Variants in MTMR7 observed in about 807,000 individuals in gnomAD.
MTMR7 encodes myotubularin related protein 7.
In MTMR7, 76 loss-of-function variants were observed where a neutral mutation model predicts 81.2. The ratio of observed to expected loss-of-function variants is 0.94; its 90% CI spans 0.78 to 1.13. The LOEUF is 1.13. Among genes scored for constraint, MTMR7 ranks in the 50% most tolerant of loss-of-function variants. The probability of loss-of-function intolerance (pLI) is 0.00; values close to 1 mark genes in which losing one functional copy is unlikely to be tolerated. For synonymous variants in MTMR7, 372 were observed against 289.8 expected (o/e 1.28, Z -2.88); for missense variants, 1,044 against 820.0 (o/e 1.27, Z -3.34).
chr8:17,379,027 G>A (rs563048893), intron 1 of MTMR7, among the ~76,000 whole-genome samples: 1 of 152,302 alleles, frequency 6.6e-6, no homozygotes, highest in East Asian at 1.9e-4. Flanking sequence ...GAAAAGCACA[G>A]AAACAAAGAA....
intron 7 of MTMR7, among the ~76,000 whole-genome samples, chr8:17,316,782 G>A (rs886141244): frequency 1.3e-5 from 2 of 152,150 alleles, no homozygotes; most frequent in African/African-American, 4.8e-5. Context: ...ATATATGGGA[G>A]GATGTGCATA....
chr8:17,382,230 C>T (rs1203375690), intron 1 of MTMR7, among the ~76,000 whole-genome samples: 3 of 152,208 alleles, frequency 2.0e-5, no homozygotes, highest in East Asian at 1.9e-4. Context: ...GCACTGATAT[C>T]CAGTGTTCTG....
At chr8:17,310,334 G>C (rs1003712871) in intron 9 of MTMR7, among the ~76,000 whole-genome samples, 1 of 152,112 alleles carries the variant, frequency 6.6e-6, no homozygotes, top group Non-Finnish European at 1.5e-5. Context: ...AAGTAATATG[G>C]ATAGTCTCAT....
intron 1 of MTMR7, among the ~76,000 whole-genome samples, chr8:17,394,191 G>C (rs952983651): frequency 6.6e-6 from 1 of 152,178 alleles, no homozygotes; most frequent in Non-Finnish European, 1.5e-5. Flanking sequence ...TCACTCCTGA[G>C]TATATACCCA....
Position 17,371,206 on chromosome 8 carries a change from C to G in MTMR7, c.148-7G>C, listed in dbSNP as rs751161291. The G allele has an allele frequency of 1.2e-6, 2 of 1,613,546 alleles. No individual in the cohort carries two copies. The highest frequency in any genetic ancestry group is 2.2e-5 in the East Asian group (1 of 44,874). On this transcript the variant is annotated splice_polypyrimidine_tract_variant and splice_region_variant and intron_variant, in intron 2 of 13. Transcript: ENST00000180173. The stretch of plus-strand genomic sequence containing the variant: ...AAATCTGACTGTGAAGAATCTAGAA[C>G]CAAATGTTAATGTGCATAAGCTAAG...
chr8:17,391,912 T>G (rs1239223492), intron 1 of MTMR7, among the ~76,000 whole-genome samples: 1 of 152,208 alleles, frequency 6.6e-6, no homozygotes, highest in Admixed American at 6.5e-5. Context: ...GTTTATGTCC[T>G]GGGAAGTACT....
chr8:17,372,956 C>T (rs1021460108), intron 2 of MTMR7, 162 bp downstream of exon 2: 11 of 737,672 alleles, frequency 1.5e-5, no homozygotes, highest in South Asian at 1.9e-5. Context: ...CAAGTAGATA[C>T]GACTGCACAG....
intron 7 of MTMR7, among the ~76,000 whole-genome samples, chr8:17,319,086 G>T (rs935138761): frequency 6.6e-6 from 1 of 152,184 alleles, no homozygotes; most frequent in African/African-American, 2.4e-5. Context: ...TATGTGAACT[G>T]AACCATACGT....
At chr8:17,396,589 A>G (rs1405530040) in intron 1 of MTMR7, among the ~76,000 whole-genome samples, 1 of 152,146 alleles carries the variant, frequency 6.6e-6, no homozygotes, top group Non-Finnish European at 1.5e-5. Flanking sequence ...GAATTCTGGC[A>G]AGCCTCACTA....
chr8:17,411,425 TC>T (rs1227535849), intron 1 of MTMR7, among the ~76,000 whole-genome samples: 2 of 152,142 alleles, frequency 1.3e-5, no homozygotes, highest in African/African-American at 4.8e-5. Context: ...TACAACTGCC[TC>T]CCCTTAGAGA....
Position 17,305,897 on chromosome 8 carries a change from C to G in MTMR7, c.1212G>C (p.Glu404Asp), listed in dbSNP as rs768423596. ...EISPVIDQFIECVWQLMEQFP... is the reference protein window; with the variant it reads ...EISPVIDQFIDCVWQLMEQFP... ...ATTGTTCCATTAACTGCCAAACACA[C>G]TCAATGAACTGGTCAATAACTGGAG... Residue 404 changes from glutamate (E) to aspartate (D), a missense_variant, in exon 11 of 14, where the codon GAG becomes GAC. Transcript: ENST00000180173. 6.2e-7 allele frequency: 1 copy of G among 1,613,774 alleles called. No individual in the cohort carries two copies. The highest frequency in any genetic ancestry group is 8.5e-7 in the Non-Finnish European group (1 of 1,179,756).
chr8:17,363,655 T>C (rs537418767), intron 3 of MTMR7, among the ~76,000 whole-genome samples: 1 of 152,130 alleles, frequency 6.6e-6, no homozygotes, highest in African/African-American at 2.4e-5. Context: ...TTAAGGAAAA[T>C]TGTACACGAG....
At chr8:17,387,238 G>A (rs1217204708) in intron 1 of MTMR7, among the ~76,000 whole-genome samples, 1 of 152,124 alleles carries the variant, frequency 6.6e-6, no homozygotes, top group Non-Finnish European at 1.5e-5. Flanking sequence ...ACCAGCATCT[G>A]TTTCTTCCTC....
In MTMR7 at chr8:17,297,986, A is replaced by G. The variant is rs1816836589; in HGVS notation, c.*1876T>C. ...TTTTAAAACATCAAATATTTATACT[A>G]TTTGCTTTTCAAATAAAAGCATAGT... On this transcript the variant is annotated 3_prime_UTR_variant, in exon 14 of 14. Coordinates refer to ENST00000180173, the MANE Select transcript of MTMR7 (RefSeq NM_004686.5). The G allele has an allele frequency of 6.6e-6, 1 of 152,058 alleles. No individual in the cohort carries two copies. Among genetic ancestry groups the G allele is most frequent in the Admixed American group, 6.6e-5 (1 of 15,262 alleles). 9.4% of individuals were successfully genotyped at this position (152,058 alleles called of 1,614,324 possible). A position where few individuals can be genotyped will look rare whatever the true frequency, so the allele number is the denominator to read the frequency against.
At chr8:17,332,500 C>T (rs1201491284) in intron 6 of MTMR7, among the ~76,000 whole-genome samples, 1 of 152,190 alleles carries the variant, frequency 6.6e-6, no homozygotes, top group East Asian at 1.9e-4. Flanking sequence ...ACAGATCACA[C>T]AGCAGACAGA....
chr8:17,346,132 G>A (rs1819544120), intron 5 of MTMR7: 1 of 152,096 alleles, frequency 6.6e-6, no homozygotes, highest in African/African-American at 2.4e-5. Flanking sequence ...TCCACCTTTG[G>A]TAATAATACT....
intron 7 of MTMR7, chr8:17,326,250 G>C (rs1407221522): frequency 3.3e-5 from 5 of 152,152 alleles, no homozygotes; most frequent in Non-Finnish European, 7.3e-5. Context: ...ATTTTGAGCT[G>C]AAACAGGTTT....
Position 17,335,578 on chromosome 8 carries a change from A to C in MTMR7, c.733-4296T>G, listed in dbSNP as rs1819211562. 2.6e-5 allele frequency among the ~76,000 whole-genome samples: 4 copies of C among 152,308 alleles called. No individual in the cohort carries two copies. The South Asian group carries it at 8.3e-4, about 32-fold the overall frequency. Reference sequence around the variant, plus strand: ...GGTTGGGAAATGACCGTACAAGCTGATCTTGGCAGGAGGGGGACTTGGTCT... The same window carrying C: ...GGTTGGGAAATGACCGTACAAGCTGCTCTTGGCAGGAGGGGGACTTGGTCT... On this transcript the variant is annotated intron_variant, in intron 6 of 13. Coordinates refer to ENST00000180173, the MANE Select transcript of MTMR7 (RefSeq NM_004686.5).
chr8:17,350,699 A>C (rs567415851), intron 4 of MTMR7, among the ~76,000 whole-genome samples: 6 of 152,266 alleles, frequency 3.9e-5, no homozygotes, highest in African/African-American at 1.2e-4. Flanking sequence ...AAAACCCACA[A>C]CTGAAATCCA....
Sources: gnomAD v4.1 joint callset for allele counts (sites outside exome capture counted in the v4.1 genomes callset) on GRCh38, gnomAD v4.1.1 for gene constraint, MANE v1.5 for transcripts, NCBI Gene and HGNC (gene_info 2026-07-23, HGNC 2026-07-21) for gene names.